RADIL: variants seen among roughly 807,000 people sequenced by gnomAD.
RADIL encodes the protein Rap associating with DIL domain.
In RADIL, 99 loss-of-function variants were observed where a neutral mutation model predicts 97.6. The ratio of observed to expected loss-of-function variants is 1.01; its 90% CI spans 0.86 to 1.20. RADIL has a LOEUF of 1.20. Ranked by LOEUF, RADIL falls within the 50% of genes most tolerant of loss-of-function variation. The probability of loss-of-function intolerance (pLI) is 0.00; values close to 1 mark genes in which losing one functional copy is unlikely to be tolerated. For synonymous variants in RADIL, 803 were observed against 691.8 expected, an observed-to-expected ratio of 1.16 and a Z score of -2.52; for missense variants, 1,765 against 1,498.9, an observed-to-expected ratio of 1.18 and a Z score of -2.93.
Position 4,834,847 on chromosome 7 carries a change from G to T in RADIL, c.1176C>A (p.Ala392=). The change falls in exon 4 of 15, where the codon GCC becomes GCA. Residue 392 remains alanine, a synonymous_variant. Transcript: ENST00000399583. The surrounding 1 kb of genome is among the most constrained non-coding windows in gnomAD (Gnocchi z 6.0). ...CGAALGARGA[A]SPTQAALPRR... Reference sequence around the variant, plus strand: ...GGGGCAGGGCGGCCTGAGTAGGGGAGGCGGCTCCCCGGGCCCCGAGCGCGG... The same window carrying T: ...GGGGCAGGGCGGCCTGAGTAGGGGATGCGGCTCCCCGGGCCCCGAGCGCGG... 7.6e-7 allele frequency: 1 copy of T among 1,318,524 alleles called. No individual in the cohort carries two copies. Among genetic ancestry groups the T allele is most frequent in the Non-Finnish European group, 9.7e-7 (1 of 1,033,130 alleles). 81.7% of individuals were successfully genotyped at this position (1,318,524 alleles called of 1,614,324 possible).
chr7:4,833,481 C>T (rs1023803656), intron 4 of RADIL, among the ~76,000 whole-genome samples: 5 of 152,132 alleles, frequency 3.3e-5, no homozygotes, highest in South Asian at 2.1e-4. Context: ...AATCCCAAGC[C>T]GGGAACCCGA....
Position 4,840,796 on chromosome 7 carries a change from G to C in RADIL, c.536-4191C>G, listed in dbSNP as rs1301375702. 1.3e-5 allele frequency among the ~76,000 whole-genome samples: 2 copies of C among 152,106 alleles called. No homozygotes were observed. The highest frequency in any genetic ancestry group is 4.8e-5 in the African/African-American group (2 of 41,418). Reference sequence around the variant, plus strand: ...ATCCTGGCCAACATGGTGAAACCCCGTCTGTACTAAAAATACAAAACTTAG... The same window carrying C: ...ATCCTGGCCAACATGGTGAAACCCCCTCTGTACTAAAAATACAAAACTTAG... On this transcript the variant is annotated intron_variant, in intron 2 of 14. Transcript: ENST00000399583. This position sits in a 1 kb window ranked among gnomAD's most constrained non-coding sequence, Gnocchi z 5.6.
intron 2 of RADIL, chr7:4,861,381 C>T (rs769710184): frequency 1.2e-6 from 2 of 1,614,180 alleles, no homozygotes; most frequent in Non-Finnish European, 1.7e-6. Flanking sequence ...AAATCTTTCA[C>T]TTCCTCCTGT....
chr7:4,826,270 T>C (rs902217861), intron 5 of RADIL, among the ~76,000 whole-genome samples: 3 of 151,864 alleles, frequency 2.0e-5, no homozygotes, highest in East Asian at 1.9e-4. Context: ...GACACAGTAG[T>C]GTTAAAAGCA....
At chr7:4,800,502 C>T (rs1337841059) in intron 12 of RADIL, among the ~76,000 whole-genome samples, 192 bp from the exon 13 acceptor site, 1 of 152,140 alleles carries the variant, frequency 6.6e-6, no homozygotes, top group Admixed American at 6.5e-5. Flanking sequence ...CCATGGGCGA[C>T]ACCCCCATGT....
chr7:4,808,960 C>T, intron 9 of RADIL: 7 of 886,432 alleles, frequency 7.9e-6, no homozygotes, highest in Non-Finnish European at 9.1e-6. Context: ...CTCCTTCCGA[C>T]GCCACTGCCC....
At chr7:4,806,015 A>G in intron 9 of RADIL, 1 of 985,448 alleles carries the variant, frequency 1.0e-6, no homozygotes, top group Non-Finnish European at 1.2e-6. Context: ...CAGAGAAACC[A>G]CTACTGGGAA....
rs1783776670 is a variant in RADIL, at chr7:4,854,321, G to A, written c.536-17716C>T. On this transcript the variant is annotated intron_variant, in intron 2 of 14. Coordinates refer to ENST00000399583, the MANE Select transcript of RADIL (RefSeq NM_018059.5). The surrounding 1 kb of genome is among the most constrained non-coding windows in gnomAD (Gnocchi z 5.1). ...CCAAATGCAATTCCAAACTGATGAGGGGGCATTAGGTGGGGTTTTCTGTTT... is the reference window on the plus strand; with the variant it reads ...CCAAATGCAATTCCAAACTGATGAGAGGGCATTAGGTGGGGTTTTCTGTTT... Among the ~76,000 whole-genome samples the A allele has an allele frequency of 6.6e-6, 1 of 152,190 alleles. No homozygotes were observed. The highest frequency in any genetic ancestry group is 2.1e-4 in the South Asian group (1 of 4,824).
At chr7:4,830,142 C>T (rs924620385) in intron 5 of RADIL, among the ~76,000 whole-genome samples, 2 of 152,176 alleles carry the variant, frequency 1.3e-5, no homozygotes, top group African/African-American at 2.4e-5. Flanking sequence ...CGTGTGTGTG[C>T]GTGTGGGCAT....
chr7:4,869,928 C>A (rs1784214940), intron 2 of RADIL, among the ~76,000 whole-genome samples: 1 of 152,124 alleles, frequency 6.6e-6, no homozygotes, highest in African/African-American at 2.4e-5. Context: ...CTCAGGAGTT[C>A]AAGACCATGC....
chr7:4,850,227 A>AC (rs34901034), intron 2 of RADIL, among the ~76,000 whole-genome samples: 4,545 of 150,736 alleles, frequency 0.03, 252 homozygotes, highest in African/African-American at 0.1. Flanking sequence ...AAAAAAAAAA[A>AC]AAAAAAAAAA....
At chr7:4,806,693 T>TA (rs1782320553) in intron 9 of RADIL, among the ~76,000 whole-genome samples, 1 of 152,242 alleles carries the variant, frequency 6.6e-6, no homozygotes, top group South Asian at 2.1e-4. Context: ...ATAGATCTTC[T>TA]AGTAGCTTCC....
chr7:4,809,292 G>T (rs1782465773), intron 9 of RADIL: 3 of 985,290 alleles, frequency 3.0e-6, no homozygotes, highest in Non-Finnish European at 3.6e-6. Context: ...CCATCACGAG[G>T]TTCCTGCCCT....
chr7:4,879,100 G>A lies in RADIL; in HGVS notation c.-64-897C>T, dbSNP rs1382310705. On this transcript the variant is annotated intron_variant, in intron 1 of 14. Coordinates refer to ENST00000399583, the MANE Select transcript of RADIL (RefSeq NM_018059.5). This position sits in a 1 kb window ranked among gnomAD's most constrained non-coding sequence, Gnocchi z 4.1. Reference sequence around the variant, plus strand: ...CTGAGTGGCCTCGCAAGCACGGCGGGCACAAAGGGCCCCTCTCGAGCCGGT... The same window carrying A: ...CTGAGTGGCCTCGCAAGCACGGCGGACACAAAGGGCCCCTCTCGAGCCGGT... 6.6e-6 allele frequency among the ~76,000 whole-genome samples: 1 copy of A among 152,224 alleles called. No homozygotes were observed. The highest frequency in any genetic ancestry group is 1.9e-4 in the East Asian group (1 of 5,186).
chr7:4,825,518 A>T (rs1365984072), intron 5 of RADIL, among the ~76,000 whole-genome samples: 1 of 152,172 alleles, frequency 6.6e-6, no homozygotes, highest in African/African-American at 2.4e-5. Context: ...CAAACCACAG[A>T]CAGCTCAGCC....
At chr7:4,860,769 T>A in intron 2 of RADIL, 1 of 1,614,218 alleles carries the variant, frequency 6.2e-7, no homozygotes, top group South Asian at 1.1e-5. Context: ...TCGTGTGTGA[T>A]AGCAAGCCCC....
At chr7:4,881,947 TC>T (rs1474067350) in intron 1 of RADIL, among the ~76,000 whole-genome samples, 3 of 146,466 alleles carry the variant, frequency 2.0e-5, no homozygotes, top group East Asian at 4.3e-4. Flanking sequence ...TCCCCCCACT[TC>T]CCCCCACCCC....
chr7:4,861,305 A>G (rs1783987155), intron 2 of RADIL: 1 of 1,613,984 alleles, frequency 6.2e-7, no homozygotes, highest in Non-Finnish European at 8.5e-7. Context: ...TGCAAATAAA[A>G]TATCAATCTC....
At chr7:4,812,745 C>G (rs1398505656) in intron 9 of RADIL, among the ~76,000 whole-genome samples, 1 of 152,128 alleles carries the variant, frequency 6.6e-6, no homozygotes, top group Non-Finnish European at 1.5e-5. Context: ...TTCAAAGAAC[C>G]CACTCCTGGC....
Sources: allele counts gnomAD v4.1 joint callset (sites outside exome capture counted in the v4.1 genomes callset), GRCh38; gene constraint gnomAD v4.1.1; non-coding constraint Gnocchi (gnomAD v3.1); transcripts MANE v1.5; gene names NCBI Gene and HGNC (gene_info 2026-07-23, HGNC 2026-07-21).